Variants in HTR2C observed in about 807,000 individuals in gnomAD.
The protein encoded by HTR2C is 5-hydroxytryptamine receptor 2C.
Under a neutral mutation model 21.0 loss-of-function variants are expected in HTR2C, and 5 were observed. That is an observed-to-expected ratio of 0.24 (90% CI 0.12 to 0.50). The LOEUF (loss-of-function observed/expected upper bound fraction) is 0.50. HTR2C is among the 20% of genes least tolerant of loss of function. HTR2C has a pLI of 0.98. For missense variants in HTR2C, 271 were observed against 371.2 expected (o/e 0.73, Z 2.22); for synonymous variants, 150 against 145.3 (o/e 1.03, Z -0.23).
At chrX:114,779,724 T>G (rs1319353025) in intron 4 of HTR2C, among the ~76,000 whole-genome samples, 3 of 112,167 alleles carry the variant, frequency 2.7e-5, no homozygotes, top group Non-Finnish European at 5.6e-5. Context: ...ACAACATCTC[T>G]TCAGCTCAGA....
At chrX:114,630,563 G>A (rs782777805) in intron 2 of HTR2C, among the ~76,000 whole-genome samples, 2 of 112,187 alleles carry the variant, frequency 1.8e-5, no homozygotes, top group South Asian at 7.5e-4. Context: ...AAGAACTTGA[G>A]TGAGTTTACC....
At chrX:114,687,529 T>G (rs1556414411) in intron 2 of HTR2C, among the ~76,000 whole-genome samples, 1 of 112,121 alleles carries the variant, frequency 8.9e-6, no homozygotes, top group Non-Finnish European at 1.9e-5. Flanking sequence ...TTTATTTTAT[T>G]ATGAATTTTG....
intron 1 of HTR2C, among the ~76,000 whole-genome samples, chrX:114,591,244 T>C: frequency 9.0e-6 from 1 of 111,543 alleles, no homozygotes; most frequent in South Asian, 3.7e-4. Context: ...CAGAAAGAAG[T>C]TGATTACTTC....
At chrX:114,693,692 GGGATAAAATCACCCC>G (rs1932178413) in intron 2 of HTR2C, among the ~76,000 whole-genome samples, 1 of 111,304 alleles carries the variant, frequency 9.0e-6, no homozygotes, top group East Asian at 2.8e-4. Flanking sequence ...TATCTCCTCA[GGGATAAAATCACCCC>G]TGGTTGAGAA....
intron 4 of HTR2C, among the ~76,000 whole-genome samples, chrX:114,839,027 T>G (rs2070811330): frequency 8.9e-6 from 1 of 112,189 alleles, no homozygotes; most frequent in African/African-American, 3.2e-5. Context: ...GTGGATACAA[T>G]CTGAGGGAGT....
intron 5 of HTR2C, among the ~76,000 whole-genome samples, chrX:114,883,997 G>A (rs2071202037): frequency 9.0e-6 from 1 of 110,533 alleles, no homozygotes; most frequent in African/African-American, 3.3e-5. Flanking sequence ...TGTAATTATA[G>A]AGTTCACATA....
intron 1 of HTR2C, among the ~76,000 whole-genome samples, chrX:114,601,564 C>T (rs1928092624): frequency 9.2e-6 from 1 of 108,439 alleles, no homozygotes. Flanking sequence ...AGGCAAGGAC[C>T]GGCCGTTTAC....
intron 5 of HTR2C, among the ~76,000 whole-genome samples, chrX:114,856,740 A>G (rs2070965588): frequency 1.8e-5 from 2 of 111,313 alleles, no homozygotes; most frequent in African/African-American, 3.3e-5. Context: ...ATTTTTTACT[A>G]CTTCATAAAG....
At chrX:114,846,825 A>G (rs189346177) in intron 4 of HTR2C, among the ~76,000 whole-genome samples, 2 of 112,428 alleles carry the variant, frequency 1.8e-5, no homozygotes. Flanking sequence ...GAGGAAATAA[A>G]AGGCAGAGGA....
Position 114,700,742 on chromosome X carries a change from G to A in HTR2C, c.-79-26116G>A, listed in dbSNP as rs7885943. On this transcript the variant is annotated intron_variant, in intron 2 of 5. Coordinates refer to ENST00000276198, the MANE Select transcript of HTR2C (RefSeq NM_000868.4). Reference sequence around the variant, plus strand: ...GGGTGCAGCGCACTGTGCGCGAGCCGAAGCACGGCGAGGCATTGCCTCACT... The same window carrying A: ...GGGTGCAGCGCACTGTGCGCGAGCCAAAGCACGGCGAGGCATTGCCTCACT... 2.5e-4 allele frequency among the ~76,000 whole-genome samples: 28 copies of A among 112,554 alleles called. 1 individual carries two copies. Among genetic ancestry groups the A allele is most frequent in the African/African-American group, 9.7e-5 (3 of 31,065 alleles).
intron 5 of HTR2C, among the ~76,000 whole-genome samples, chrX:114,899,814 A>G (rs1041228171): frequency 5.6e-5 from 6 of 107,662 alleles, no homozygotes; most frequent in Non-Finnish European, 7.6e-5. Flanking sequence ...CTTCTAATCA[A>G]CCATCTTGGT....
rs58253575 is a variant in HTR2C at position 114,619,282 on chromosome X, A to G, written c.-80+5401A>G. Among the ~76,000 whole-genome samples the G allele has an allele frequency of 9.3e-3, 1,039 of 111,537 alleles. 16 individuals carry two copies. The highest frequency in any genetic ancestry group is 0.031 in the African/African-American group (962 of 30,688). ...TCTTCACTCCATTTCTACAAACATC[A>G]TACCAGTTTGGATTTCCATCATCTC... On this transcript the variant is annotated intron_variant, in intron 2 of 5. Coordinates refer to ENST00000276198, the MANE Select transcript of HTR2C (RefSeq NM_000868.4).
At chrX:114,778,442 T>G (rs782093452) in intron 4 of HTR2C, among the ~76,000 whole-genome samples, 1 of 110,945 alleles carries the variant, frequency 9.0e-6, no homozygotes, top group African/African-American at 3.3e-5. Context: ...TCAGGCAAAT[T>G]ATATTGAAGT....
At chrX:114,689,799 C>T (rs2147859911) in intron 2 of HTR2C, among the ~76,000 whole-genome samples, 1 of 111,259 alleles carries the variant, frequency 9.0e-6, no homozygotes, top group Non-Finnish European at 1.9e-5. Flanking sequence ...TTTAATGTTC[C>T]TAAGTCAGTA....
chrX:114,703,717 G>C (rs1932646289), intron 2 of HTR2C, among the ~76,000 whole-genome samples: 1 of 110,712 alleles, frequency 9.0e-6, no homozygotes, highest in Admixed American at 9.6e-5. Flanking sequence ...AATCAGAGCA[G>C]AACTGAAGGA....
At chrX:114,807,918 G>A (rs781835288) in intron 4 of HTR2C, among the ~76,000 whole-genome samples, 39 of 110,931 alleles carry the variant, frequency 3.5e-4, no homozygotes, top group Middle Eastern at 4.7e-3. Flanking sequence ...TGATCCACCC[G>A]CCTCGGCCTC....
chrX:114,806,560 CCATATACAT>C (rs1386903348), intron 4 of HTR2C, among the ~76,000 whole-genome samples: 1 of 33,608 alleles, frequency 3.0e-5, no homozygotes, highest in Non-Finnish European at 4.9e-5. Flanking sequence ...ACCATATATA[CCATATACAT>C]CATATATATC....
chrX:114,874,353 C>T (rs2071115786), intron 5 of HTR2C, among the ~76,000 whole-genome samples: 1 of 111,427 alleles, frequency 9.0e-6, no homozygotes, highest in Non-Finnish European at 1.9e-5. Context: ...TTTTGAGGAA[C>T]CTTCAAACTG....
chrX:114,703,665 G>T (rs1195125905), intron 2 of HTR2C, among the ~76,000 whole-genome samples: 1 of 110,884 alleles, frequency 9.0e-6, no homozygotes, highest in African/African-American at 3.3e-5. Context: ...AAAAGCAAGA[G>T]CAAACACATT....
Sources: gnomAD v4.1 joint callset for allele counts (sites outside exome capture counted in the v4.1 genomes callset) on GRCh38, gnomAD v4.1.1 for gene constraint, MANE v1.5 for transcripts, NCBI Gene and HGNC (gene_info 2026-07-23, HGNC 2026-07-21) for gene names.